The following SACM1L variants were observed in gnomAD, a reference collection of about 807,000 sequenced individuals.
SACM1L encodes the protein SAC1 like phosphatidylinositide phosphatase.
A neutral mutation model predicts 89.5 loss-of-function variants in SACM1L; 32 were observed. The observed-to-expected ratio is 0.36, with a 90% confidence interval of 0.27 to 0.48. SACM1L has a LOEUF of 0.48. Among genes scored for constraint, SACM1L ranks in the 20% least tolerant of loss-of-function variants. The probability of loss-of-function intolerance (pLI) is 0.99; values close to 1 mark genes in which losing one functional copy is unlikely to be tolerated. For synonymous variants in SACM1L, 213 were observed against 232.8 expected, an observed-to-expected ratio of 0.92 and a Z score of 0.77; for missense variants, 543 against 708.5, an observed-to-expected ratio of 0.77 and a Z score of 2.65.
At chr3:45,737,547 A>G (rs761170413) in intron 14 of SACM1L, 36 bp from the exon 15 acceptor site, 10 of 1,569,672 alleles carry the variant, frequency 6.4e-6, no homozygotes, top group South Asian at 3.5e-5. Flanking sequence ...GCTAAAATCT[A>G]TTACACATAA....
intron 1 of SACM1L, among the ~76,000 whole-genome samples, chr3:45,693,232 C>G (rs1254262410): frequency 6.6e-6 from 1 of 152,160 alleles, no homozygotes; most frequent in East Asian, 1.9e-4. Flanking sequence ...TGTCGTTGAC[C>G]AAAGCATTGT....
intron 14 of SACM1L, among the ~76,000 whole-genome samples, chr3:45,736,573 GT>G (rs939910779): frequency 1.3e-5 from 2 of 152,152 alleles, no homozygotes; most frequent in African/African-American, 2.4e-5. Flanking sequence ...TGCTGTCCCT[GT>G]TGGAGTAGTC....
Position 45,723,534 on chromosome 3 carries a change from A to T in SACM1L, c.912A>T (p.Ile304=), listed in dbSNP as rs761666147. 3.0e-5 allele frequency: 45 copies of T among 1,490,756 alleles called. No individual in the cohort carries two copies. The highest frequency in any genetic ancestry group is 3.6e-5 in the Non-Finnish European group (40 of 1,102,114). 92.3% of individuals were successfully genotyped at this position (1,490,756 alleles called of 1,614,324 possible). A position where few individuals can be genotyped will look rare whatever the true frequency, so the allele number is the denominator to read the frequency against. Reference sequence around the variant, plus strand: ...TAATTATTTATGGAAAACAAGTTATAATCAATCTGGTATGTTTCTTATGTT... The same window carrying T: ...TAATTATTTATGGAAAACAAGTTATTATCAATCTGGTATGTTTCTTATGTT... ...SQVIIYGKQV[I]INLINQKGSE... The change falls in exon 11 of 20, where the codon ATA becomes ATT. Residue 304 remains isoleucine (I), a synonymous_variant. Transcript: ENST00000389061.
intron 1 of SACM1L, among the ~76,000 whole-genome samples, chr3:45,700,457 A>G (rs1326256736): frequency 6.6e-6 from 1 of 152,192 alleles, no homozygotes; most frequent in Non-Finnish European, 1.5e-5. Context: ...TGTAAAAGTA[A>G]AGCAGCCAAA....
chr3:45,702,879 TTAAAG>T (rs1199784746), intron 1 of SACM1L, among the ~76,000 whole-genome samples: 16 of 152,232 alleles, frequency 1.1e-4, no homozygotes, highest in East Asian at 3.8e-4. Context: ...CACCTGAATG[TTAAAG>T]TAATTTGTTT....
At chr3:45,723,417 T>C in intron 10 of SACM1L, 58 bp from the exon 11 acceptor site, 1 of 647,840 alleles carries the variant, frequency 1.5e-6, no homozygotes, top group Non-Finnish European at 2.3e-6. Flanking sequence ...AATATTTAAA[T>C]TATATTTATA....
intron 8 of SACM1L, among the ~76,000 whole-genome samples, 165 bp downstream of exon 8, chr3:45,719,766 A>G (rs1698746928): frequency 6.6e-6 from 1 of 152,170 alleles, no homozygotes; most frequent in Non-Finnish European, 1.5e-5. Flanking sequence ...TCCGTGCTTC[A>G]GTTACTGTAA....
intron 11 of SACM1L, among the ~76,000 whole-genome samples, chr3:45,730,009 T>G (rs1468958745): frequency 6.6e-6 from 1 of 152,146 alleles, no homozygotes; most frequent in Non-Finnish European, 1.5e-5. Context: ...ATTTTGTTTA[T>G]GTATTGTTTT....
rs143043436 is a variant in SACM1L, at chr3:45,740,094, A to C, written c.1627+450A>C. Among the ~76,000 whole-genome samples, 136 of 152,308 alleles carry C rather than the reference A, an allele frequency of 8.9e-4. 1 individual carries two copies. In the East Asian group the frequency reaches 0.02, roughly 23 times the overall value. On this transcript the variant is annotated intron_variant, in intron 19 of 19. Coordinates refer to ENST00000389061, the MANE Select transcript of SACM1L (RefSeq NM_014016.5). ...AAACAAAAGGGGAGGGTAGGTAGTA[A>C]GATAAGTGGTCACATTCTTGTGAGG...
At chr3:45,708,596 A>G (rs1698451804) in intron 4 of SACM1L, among the ~76,000 whole-genome samples, 1 of 152,036 alleles carries the variant, frequency 6.6e-6, no homozygotes, top group Admixed American at 6.5e-5. Flanking sequence ...ATCAAGAAAT[A>G]TATATCAATA....
intron 11 of SACM1L, among the ~76,000 whole-genome samples, chr3:45,727,344 T>C (rs1698945084): frequency 6.6e-6 from 1 of 152,220 alleles, no homozygotes; most frequent in Non-Finnish European, 1.5e-5. Context: ...TATTCTTGAT[T>C]TTTAGCTTTC....
At position 45,722,037 on chromosome 3, in the gene SACM1L, A is replaced by G. The variant is rs1194800668; in HGVS notation, c.717A>G (p.Glu239=). The change falls in exon 9 of 20, where the codon GAA becomes GAG. Residue 239 remains glutamate, a synonymous_variant. Transcript: ENST00000389061. ...DSEGHAANFV[E]TEQIVHYNGS... is the part of the protein sequence containing the mutation. ...AAGGCCATGCAGCTAACTTTGTAGA[A>G]ACAGAACAAATTGTGCACTACAATG... The G allele has an allele frequency of 6.2e-7, 1 of 1,613,200 alleles. No individual in the cohort carries two copies. Among genetic ancestry groups the G allele is most frequent in the Non-Finnish European group, 8.5e-7 (1 of 1,179,634 alleles).
In SACM1L at chr3:45,743,582, A is replaced by G; in HGVS notation, c.1677A>G (p.Ala559=). The change falls in exon 20 of 20, where the codon GCA becomes GCG. Residue 559 remains alanine, a synonymous_variant. Transcript: ENST00000389061. ...CCTATGTGCTCTTCTGGGGAGTTGC[A>G]AGCATTGGAACATTTTTTATCATTC... ...TLAYVLFWGV[A]SIGTFFIILY... 6.2e-7 allele frequency: 1 copy of G among 1,614,158 alleles called. No individual in the cohort carries two copies. Among genetic ancestry groups the G allele is most frequent in the Non-Finnish European group, 8.5e-7 (1 of 1,179,978 alleles).
At chr3:45,731,884 G>A (rs951749781) in intron 12 of SACM1L, among the ~76,000 whole-genome samples, 169 bp from the exon 13 acceptor site, 1 of 152,166 alleles carries the variant, frequency 6.6e-6, no homozygotes, top group African/African-American at 2.4e-5. Context: ...GGGTGTGTGT[G>A]TGCATGTAGT....
At chr3:45,696,718 T>A (rs1698136910) in intron 1 of SACM1L, among the ~76,000 whole-genome samples, 1 of 152,116 alleles carries the variant, frequency 6.6e-6, no homozygotes, top group African/African-American at 2.4e-5. Context: ...AATGTTTTTG[T>A]AGTGGGCCAG....
At chr3:45,718,972 TC>T (rs1159216761) in intron 7 of SACM1L, among the ~76,000 whole-genome samples, 1 of 152,104 alleles carries the variant, frequency 6.6e-6, no homozygotes, top group African/African-American at 2.4e-5. Context: ...TAAGGTAGAG[TC>T]AAAATTTCCA....
chr3:45,724,302 T>TGTGTGC (rs1393139673), intron 11 of SACM1L, among the ~76,000 whole-genome samples: 1 of 148,860 alleles, frequency 6.7e-6, no homozygotes, highest in African/African-American at 2.5e-5. Flanking sequence ...TTTTCTGGTG[T>TGTGTGC]GTGTGTGTGT....
intron 1 of SACM1L, among the ~76,000 whole-genome samples, chr3:45,695,222 A>G (rs1034408190): frequency 1.3e-5 from 2 of 151,894 alleles, no homozygotes; most frequent in African/African-American, 4.8e-5. Flanking sequence ...TGTCTTTTCA[A>G]CCAGAGATGT....
rs1254361655 is a variant in SACM1L at position 45,744,902 on chromosome 3, TAC to T, written c.*1235_*1236del. On this transcript the variant is annotated 3_prime_UTR_variant, in exon 20 of 20. Coordinates refer to ENST00000389061, the MANE Select transcript of SACM1L (RefSeq NM_014016.5). ...TTTCAGTGTTGTGCTTGAAAATATG[TAC>T]AGTTTTTTTCCAATATTAATACCTT... 2.6e-5 allele frequency: 4 copies of T among 152,402 alleles called. No homozygotes were observed. The highest frequency in any genetic ancestry group is 9.6e-5 in the African/African-American group (4 of 41,462). The allele number at this position is 152,402 out of a possible 1,614,324, so 9.4% of individuals were successfully genotyped here.
Sources: allele counts gnomAD v4.1 joint callset (sites outside exome capture counted in the v4.1 genomes callset), GRCh38; gene constraint gnomAD v4.1.1; transcripts MANE v1.5; gene names NCBI Gene and HGNC (gene_info 2026-07-23, HGNC 2026-07-21).